RNF213: variants seen among roughly 807,000 people sequenced by gnomAD.
RNF213 encodes ring finger protein 213.
A neutral mutation model predicts 514.4 loss-of-function variants in RNF213; 341 were observed. The ratio of observed to expected loss-of-function variants is 0.66; its 90% CI spans 0.61 to 0.73. The LOEUF is 0.73. Among genes scored for constraint, RNF213 ranks in the 30% least tolerant of loss-of-function variants. RNF213 has a pLI of 0.00. For missense variants in RNF213, 5,767 were observed against 6,615.6 expected, an observed-to-expected ratio of 0.87 and a Z score of 4.45; for synonymous variants, 2,655 against 2,658.2, an observed-to-expected ratio of 1.00 and a Z score of 0.04.
Position 80,380,819 on chromosome 17 carries a change from C to T in RNF213, c.13641-12C>T. 8 of 1,614,210 alleles carry T rather than the reference C, an allele frequency of 5.0e-6. No homozygotes were observed. The highest frequency in any genetic ancestry group is 1.1e-5 in the South Asian group (1 of 91,086). On this transcript the variant is annotated splice_polypyrimidine_tract_variant and intron_variant, in intron 55 of 67. Coordinates refer to ENST00000582970, the MANE Select transcript of RNF213 (RefSeq NM_001256071.3). Reference sequence around the variant, plus strand: ...CCTCAGCCTCTGTCTTGTGTTCTCTCGTTCTTTCCAGAGACAAGGCAGACA... The same window carrying T: ...CCTCAGCCTCTGTCTTGTGTTCTCTTGTTCTTTCCAGAGACAAGGCAGACA...
intron 54 of RNF213, chr17:80,379,321 G>A (rs545389711): frequency 5.5e-5 from 23 of 417,768 alleles, no homozygotes; most frequent in Admixed American, 4.9e-4. Flanking sequence ...TGGAAAAAGT[G>A]CTGAATACAA....
chr17:80,321,819 G>A (rs2046144732), intron 17 of RNF213, among the ~76,000 whole-genome samples: 1 of 152,124 alleles, frequency 6.6e-6, no homozygotes, highest in Admixed American at 6.6e-5. Flanking sequence ...TCCACCTCCT[G>A]GGTTCAAGCA....
At chr17:80,305,682 G>A (rs2045333483) in intron 11 of RNF213, among the ~76,000 whole-genome samples, 1 of 151,634 alleles carries the variant, frequency 6.6e-6, no homozygotes, top group South Asian at 2.1e-4. Flanking sequence ...CGTGATCTCG[G>A]CTCACTGCAA....
Position 80,377,127 on chromosome 17 carries a change from G to A in RNF213, c.13510+164G>A, listed in dbSNP as rs764555324. On this transcript the variant is annotated intron_variant, in intron 53 of 67. Transcript: ENST00000582970. This position sits in a 1 kb window ranked among gnomAD's most constrained non-coding sequence, Gnocchi z 4.1. ...GTCTGCAGAAGACGAATGGCTTGAAGGAGCTGGCACTCCGCCGGCTAGATG... is the reference window on the plus strand; with the variant it reads ...GTCTGCAGAAGACGAATGGCTTGAAAGAGCTGGCACTCCGCCGGCTAGATG... 8 of 661,876 alleles carry A rather than the reference G, an allele frequency of 1.2e-5. No individual in the cohort carries two copies. The highest frequency in any genetic ancestry group is 1.9e-5 in the Non-Finnish European group (7 of 364,728). 41.0% of individuals were successfully genotyped at this position (661,876 alleles called of 1,614,324 possible). A position where few individuals can be genotyped will look rare whatever the true frequency, so the allele number is the denominator to read the frequency against.
Position 80,360,082 on chromosome 17 carries a change from C to T in RNF213, c.11076C>T (p.Tyr3692=), listed in dbSNP as rs368054349. Residue 3692 remains tyrosine, a synonymous_variant, in exon 38 of 68, where the codon TAC becomes TAT. Transcript: ENST00000582970. ...NNERHKGEMA[Y]IVVQNHMNLS... is the part of the protein sequence containing the mutation. The stretch of plus-strand genomic sequence containing the variant: ...GCAGACATAAAGGTGAGATGGCCTA[C>T]ATCGTGGTGCAGAACCACATGAACC... 9.3e-6 allele frequency: 15 copies of T among 1,614,078 alleles called. No individual in the cohort carries two copies. The highest frequency in any genetic ancestry group is 1.2e-5 in the Non-Finnish European group (14 of 1,180,044).
chr17:80,373,248 C>T (rs2079592709), intron 49 of RNF213, 83 bp downstream of exon 49: 2 of 1,111,368 alleles, frequency 1.8e-6, no homozygotes, highest in Non-Finnish European at 2.4e-6. Context: ...CCTACCCTCA[C>T]ACCCTACCCC....
At chr17:80,279,853 TGA>T in intron 3 of RNF213, among the ~76,000 whole-genome samples, 1 of 152,300 alleles carries the variant, frequency 6.6e-6, no homozygotes, top group East Asian at 1.9e-4. Context: ...ACACATGTAA[TGA>T]AAGGACTTTT....
chr17:80,355,599 GGGGAAGAAGCGGGGTGAGT>G (rs2078753130), intron 36 of RNF213, among the ~76,000 whole-genome samples: 1 of 58,044 alleles, frequency 1.7e-5, no homozygotes, highest in Non-Finnish European at 3.3e-5. Context: ...GGGGCTTACA[GGGGAAGAAGCGGGGTGAGT>G]GGGAATGGGG....
chr17:80,351,945 C>T (rs1309384948), intron 32 of RNF213, 142 bp downstream of exon 32: 3 of 566,120 alleles, frequency 5.3e-6, no homozygotes, highest in Non-Finnish European at 9.7e-6. Context: ...ACCTCAATCT[C>T]CTGGGTTCAA....
In RNF213 at chr17:80,369,913, CTCT is replaced by C. The variant is rs760850211; in HGVS notation, c.12425+49_12425+51del. On this transcript the variant is annotated intron_variant, in intron 46 of 67. Coordinates refer to ENST00000582970, the MANE Select transcript of RNF213 (RefSeq NM_001256071.3). ...TGCTTCTGGAAAGCCCTGGCTTTTT[CTCT>C]TCATCGCAGCGTTTTGTTACCAAGT... The C allele has an allele frequency of 6.2e-6, 8 of 1,283,244 alleles. No individual in the cohort carries two copies. The Admixed American group carries it at 1.3e-4, about 22-fold the overall frequency. The allele number at this position is 1,283,244 out of a possible 1,614,324, so 79.5% of individuals were successfully genotyped here. A position where few individuals can be genotyped will look rare whatever the true frequency, so the allele number is the denominator to read the frequency against.
chr17:80,332,736 G>C (rs2143981243), intron 21 of RNF213, 105 bp downstream of exon 21: 1 of 1,320,452 alleles, frequency 7.6e-7, no homozygotes, highest in Non-Finnish European at 1.0e-6. Context: ...GGATGACTTA[G>C]AGCTTCCGTC....
At position 80,337,642 on chromosome 17, in the gene RNF213, T is replaced by C; in HGVS notation, c.4584T>C (p.Ser1528=). 1 of 1,537,286 alleles carries C rather than the reference T, an allele frequency of 6.5e-7. No homozygotes were observed. Among genetic ancestry groups the C allele is most frequent in the Non-Finnish European group, 8.7e-7 (1 of 1,146,914 alleles). ...AGACTGTGAATGAGAGTCATGGGTC[T>C]GTGGAACGCTCATCCCTGACCCTGG... ...WLKTVNESHG[S]VERSSLTLAT... Residue 1528 remains serine, a synonymous_variant, in exon 24 of 68, where the codon TCT becomes TCC. Coordinates refer to ENST00000582970, the MANE Select transcript of RNF213 (RefSeq NM_001256071.3).
chr17:80,368,623 G>A (rs1056671386), intron 44 of RNF213, among the ~76,000 whole-genome samples: 1 of 152,078 alleles, frequency 6.6e-6, no homozygotes, highest in Non-Finnish European at 1.5e-5. Context: ...AGTAGAGACA[G>A]GGTTTCACCA....
intron 36 of RNF213, chr17:80,355,370 G>GGGCTTAC: frequency 2.6e-6 from 1 of 388,024 alleles, no homozygotes; most frequent in Non-Finnish European, 5.4e-6. Context: ...ACGGGAATGG[G>GGGCTTAC]AGCTTACAGG....
At chr17:80,269,370 C>CCTAT (rs147394603) in intron 2 of RNF213, among the ~76,000 whole-genome samples, 7,357 of 151,824 alleles carry the variant, frequency 0.048, 281 homozygotes, top group East Asian at 0.2. Flanking sequence ...GTCCACCTAC[C>CCTAT]CTATCTATCT....
intron 3 of RNF213, among the ~76,000 whole-genome samples, chr17:80,278,261 A>C (rs2044140484): frequency 1.3e-5 from 2 of 152,104 alleles, no homozygotes; most frequent in South Asian, 4.2e-4. Context: ...TGTGGAAGGG[A>C]GGTGTCGGAT....
rs547967539 is a variant in RNF213, at chr17:80,317,923, A to T, written c.2901+646A>T. On this transcript the variant is annotated intron_variant, in intron 16 of 67. Transcript: ENST00000582970. The surrounding 1 kb of genome is among the most constrained non-coding windows in gnomAD (Gnocchi z 4.1). The stretch of plus-strand genomic sequence containing the variant: ...ATGGGGTCACCCGGACACTTGAAGG[A>T]TGGTGAAGGTGGAGAATTTTATTAA... Among the ~76,000 whole-genome samples the T allele has an allele frequency of 3.9e-5, 6 of 152,192 alleles. No individual in the cohort carries two copies. The South Asian group carries it at 1.0e-3, about 26-fold the overall frequency.
chr17:80,263,798 G>T lies in RNF213; in HGVS notation c.97+20G>T. On this transcript the variant is annotated intron_variant, in intron 2 of 67. Coordinates refer to ENST00000582970, the MANE Select transcript of RNF213 (RefSeq NM_001256071.3). This position sits in a 1 kb window ranked among gnomAD's most constrained non-coding sequence, Gnocchi z 4.9. Reference sequence around the variant, plus strand: ...TAGCAGGTGAGGCCCAGGGGTGCTGGTGGAGGCTGGGGCAGTGGGGACCCC... The same window carrying T: ...TAGCAGGTGAGGCCCAGGGGTGCTGTTGGAGGCTGGGGCAGTGGGGACCCC... The T allele has an allele frequency of 6.2e-7, 1 of 1,609,254 alleles. No individual in the cohort carries two copies. Among genetic ancestry groups the T allele is most frequent in the East Asian group, 2.2e-5 (1 of 44,864 alleles).
At position 80,363,161 on chromosome 17, in the gene RNF213, C is replaced by T. The variant is rs557267117; in HGVS notation, c.11415C>T (p.Pro3805=). The change falls in exon 40 of 68, where the codon CCC becomes CCT. Residue 3805 remains proline, a synonymous_variant. Coordinates refer to ENST00000582970, the MANE Select transcript of RNF213 (RefSeq NM_001256071.3). ...TRKLKAASEA[P]EEEVSLPWVH... ...AACTGAAAGCGGCGTCAGAAGCGCC[C>T]GAGGAAGAGGTTTCCTTACCGTGGG... 1.4e-4 allele frequency: 224 copies of T among 1,614,218 alleles called. No individual in the cohort carries two copies. Among genetic ancestry groups the T allele is most frequent in the Admixed American group, 8.8e-4 (53 of 60,032 alleles).
Sources: gnomAD v4.1 joint callset for allele counts (sites outside exome capture counted in the v4.1 genomes callset) on GRCh38, gnomAD v4.1.1 for gene constraint, Gnocchi (gnomAD v3.1) non-coding constraint, MANE v1.5 for transcripts, NCBI Gene and HGNC (gene_info 2026-07-23, HGNC 2026-07-21) for gene names.